TAFA2: variants seen among roughly 807,000 people sequenced by gnomAD.
The protein encoded by TAFA2 is chemokine-like protein TAFA-2.
Under a neutral mutation model 18.8 loss-of-function variants are expected in TAFA2, and 7 were observed. That is an observed-to-expected ratio of 0.37 (90% CI 0.21 to 0.70). The LOEUF is 0.70. TAFA2 is among the 30% of genes least tolerant of loss of function. The pLI, the probability that TAFA2 is intolerant of heterozygous loss-of-function variation, is 0.53. For missense variants in TAFA2, 122 were observed against 158.1 expected, an observed-to-expected ratio of 0.77 and a Z score of 1.23; for synonymous variants, 60 against 54.2, an observed-to-expected ratio of 1.11 and a Z score of -0.47.
chr12:62,199,610 G>A (rs1466416534), intron 1 of TAFA2, among the ~76,000 whole-genome samples: 2 of 150,032 alleles, frequency 1.3e-5, no homozygotes, highest in African/African-American at 4.9e-5. Context: ...ATATATATAT[G>A]TATGTGTATA....
At chr12:62,071,945 C>T (rs1388473165) in intron 1 of TAFA2, among the ~76,000 whole-genome samples, 1 of 152,190 alleles carries the variant, frequency 6.6e-6, no homozygotes, top group African/African-American at 2.4e-5. Context: ...TTATGCAATA[C>T]ACTTCACTGC....
intron 1 of TAFA2, among the ~76,000 whole-genome samples, chr12:62,101,886 A>G (rs1303846571): frequency 6.6e-6 from 1 of 152,240 alleles, no homozygotes; most frequent in Non-Finnish European, 1.5e-5. Flanking sequence ...AAGGAGGAAG[A>G]TGTAAAAATA....
chr12:62,232,636 C>A (rs939030240), intron 1 of TAFA2, among the ~76,000 whole-genome samples: 2 of 152,088 alleles, frequency 1.3e-5, no homozygotes, highest in African/African-American at 2.4e-5. Context: ...CTCAGCCCCC[C>A]GAGTAGCTGG....
intron 4 of TAFA2, among the ~76,000 whole-genome samples, 173 bp from the exon 5 acceptor site, chr12:61,710,590 A>G (rs1254845302): frequency 6.6e-6 from 1 of 152,154 alleles, no homozygotes; most frequent in African/African-American, 2.4e-5. Context: ...ATAAAAATAT[A>G]CTTTTTTTCT....
intron 1 of TAFA2, among the ~76,000 whole-genome samples, chr12:61,891,569 A>T (rs973053772): frequency 6.6e-6 from 1 of 151,866 alleles, no homozygotes; most frequent in Admixed American, 6.6e-5. Context: ...AATCGCTTGA[A>T]CCCGGGAGGC....
intron 4 of TAFA2, among the ~76,000 whole-genome samples, chr12:61,730,446 C>T (rs1870387854): frequency 6.6e-6 from 1 of 152,040 alleles, no homozygotes; most frequent in South Asian, 2.1e-4. Context: ...TTGGGTTTCT[C>T]AGGCAATGGG....
At chr12:62,189,377 G>A (rs908211610) in intron 1 of TAFA2, among the ~76,000 whole-genome samples, 1 of 152,178 alleles carries the variant, frequency 6.6e-6, no homozygotes, top group Non-Finnish European at 1.5e-5. Flanking sequence ...AAGCTCCAGT[G>A]TGGTAACTGA....
intron 1 of TAFA2, among the ~76,000 whole-genome samples, chr12:61,934,759 C>A (rs543819492): frequency 6.6e-6 from 1 of 152,306 alleles, no homozygotes; most frequent in East Asian, 1.9e-4. Context: ...ACCTTTCACA[C>A]TGTCTCTCTC....
chr12:61,751,133 G>A (rs1422452433), intron 4 of TAFA2, among the ~76,000 whole-genome samples: 4 of 151,924 alleles, frequency 2.6e-5, no homozygotes, highest in Non-Finnish European at 5.9e-5. Context: ...TTCCACTGTG[G>A]GCAAAGTAAC....
chr12:62,070,811 C>T (rs1456900157), intron 1 of TAFA2, among the ~76,000 whole-genome samples: 1 of 152,166 alleles, frequency 6.6e-6, no homozygotes, highest in African/African-American at 2.4e-5. Flanking sequence ...TCACGTTCAT[C>T]ATTGCAGGGG....
intron 1 of TAFA2, among the ~76,000 whole-genome samples, chr12:62,143,438 T>C (rs2062254631): frequency 6.6e-6 from 1 of 152,222 alleles, no homozygotes; most frequent in Non-Finnish European, 1.5e-5. Flanking sequence ...ACGGAATTTT[T>C]TCCCCTGCTG....
At chr12:61,893,356 A>G (rs1371109947) in intron 1 of TAFA2, among the ~76,000 whole-genome samples, 5 of 152,238 alleles carry the variant, frequency 3.3e-5, no homozygotes, top group African/African-American at 9.6e-5. Context: ...AAAGAAGTGA[A>G]TACAATGAAT....
At chr12:62,014,589 G>A (rs753989929) in intron 1 of TAFA2, among the ~76,000 whole-genome samples, 52 of 152,122 alleles carry the variant, frequency 3.4e-4, no homozygotes, top group Non-Finnish European at 4.9e-4. Flanking sequence ...CAGAGATGGC[G>A]CCACTGCACT....
intron 1 of TAFA2, among the ~76,000 whole-genome samples, chr12:62,230,895 T>C (rs1478792197): frequency 6.6e-6 from 1 of 152,172 alleles, no homozygotes; most frequent in African/African-American, 2.4e-5. Context: ...AGGCTGGTCT[T>C]GAACTCCTGG....
intron 1 of TAFA2, among the ~76,000 whole-genome samples, chr12:61,935,585 G>GA (rs1371466667): frequency 2.0e-5 from 3 of 152,140 alleles, no homozygotes; most frequent in East Asian, 3.9e-4. Context: ...ACAGTTTTAA[G>GA]AAAAAATAAT....
intron 2 of TAFA2, among the ~76,000 whole-genome samples, chr12:61,798,089 T>C (rs1388563479): frequency 6.6e-6 from 1 of 152,288 alleles, no homozygotes; most frequent in African/African-American, 2.4e-5. Flanking sequence ...TTGGCTAAAT[T>C]ATAATGAAAC....
At chr12:61,842,476 A>T (rs1374880879) in intron 2 of TAFA2, among the ~76,000 whole-genome samples, 1 of 152,140 alleles carries the variant, frequency 6.6e-6, no homozygotes, top group African/African-American at 2.4e-5. Flanking sequence ...AATTGTCTAA[A>T]TCTGTATGGA....
intron 1 of TAFA2, among the ~76,000 whole-genome samples, chr12:62,210,422 A>G (rs1377628915): frequency 2.0e-5 from 3 of 152,168 alleles, no homozygotes; most frequent in African/African-American, 7.2e-5. Flanking sequence ...CACTTTTAAT[A>G]TGATATAGGA....
chr12:62,161,942 G>A (rs543360644), intron 1 of TAFA2, among the ~76,000 whole-genome samples: 3 of 152,182 alleles, frequency 2.0e-5, no homozygotes, highest in South Asian at 4.2e-4. Context: ...ATTAGCCTAT[G>A]GTAAAATTGA....
Sources: gnomAD v4.1 joint callset for allele counts (sites outside exome capture counted in the v4.1 genomes callset) on GRCh38, gnomAD v4.1.1 for gene constraint, MANE v1.5 for transcripts, NCBI Gene and HGNC (gene_info 2026-07-23, HGNC 2026-07-21) for gene names.